TUSC3: variants seen among roughly 807,000 people sequenced by gnomAD.
TUSC3 encodes dolichyl-diphosphooligosaccharide--protein glycosyltransferase subunit TUSC3.
A neutral mutation model predicts 44.8 loss-of-function variants in TUSC3; 45 were observed. The ratio of observed to expected loss-of-function variants is 1.00; its 90% confidence interval spans 0.79 to 1.29. The LOEUF (loss-of-function observed/expected upper bound fraction) is 1.29. Among genes scored for constraint, TUSC3 ranks in the 50% most tolerant of loss-of-function variants. The pLI, the probability that TUSC3 is intolerant of heterozygous loss-of-function variation, is 0.00. For synonymous variants in TUSC3, 212 were observed against 152.9 expected, an observed-to-expected ratio of 1.39 and a Z score of -2.85; for missense variants, 519 against 437.9, an observed-to-expected ratio of 1.19 and a Z score of -1.65.
At chr8:15,719,672 C>T (rs1274285460) in intron 6 of TUSC3, among the ~76,000 whole-genome samples, 1 of 152,012 alleles carries the variant, frequency 6.6e-6, no homozygotes, top group Non-Finnish European at 1.5e-5. Context: ...CATACAACAA[C>T]AGTAGCTAAC....
chr8:15,533,264 C>G (rs1801475330), intron 2 of TUSC3, among the ~76,000 whole-genome samples: 1 of 152,124 alleles, frequency 6.6e-6, no homozygotes, highest in Non-Finnish European at 1.5e-5. Flanking sequence ...TTGGGTATAT[C>G]TTTATCAGCA....
At chr8:15,417,523 G>A (rs925671943) in intron 1 of TUSC3, among the ~76,000 whole-genome samples, 1 of 152,176 alleles carries the variant, frequency 6.6e-6, no homozygotes, top group Non-Finnish European at 1.5e-5. Context: ...TAAAACCACA[G>A]ATGTCCAGCT....
intron 1 of TUSC3, among the ~76,000 whole-genome samples, chr8:15,577,982 T>C (rs1379591724): frequency 6.7e-6 from 1 of 149,816 alleles, no homozygotes; most frequent in Non-Finnish European, 1.5e-5. Flanking sequence ...TATCCTCTTT[T>C]ATTTCCTTGA....
the TUSC3 span, among the ~76,000 whole-genome samples, chr8:15,851,769 A>C: frequency 6.6e-6 from 1 of 151,966 alleles, no homozygotes; most frequent in East Asian, 1.9e-4. Flanking sequence ...TTGCTTCCTC[A>C]CTGCATGCTG....
chr8:15,696,557 G>A (rs1007888737), intron 6 of TUSC3, among the ~76,000 whole-genome samples: 6 of 152,072 alleles, frequency 3.9e-5, no homozygotes, highest in Non-Finnish European at 7.4e-5. Flanking sequence ...GAGGGCCACC[G>A]TCCTCCAGAC....
the TUSC3 span, among the ~76,000 whole-genome samples, chr8:15,831,013 G>A: frequency 0.11 from 16,040 of 152,180 alleles, 946 homozygotes; most frequent in East Asian, 0.25. Flanking sequence ...CGCTGCTATC[G>A]TACTATGAAA....
chr8:15,819,979 T>C, the TUSC3 span, among the ~76,000 whole-genome samples: 3 of 152,208 alleles, frequency 2.0e-5, no homozygotes, highest in Non-Finnish European at 4.4e-5. Context: ...TATTATGTTG[T>C]CAATTATTAT....
At chr8:15,453,393 G>A (rs1297108078) in intron 1 of TUSC3, among the ~76,000 whole-genome samples, 1 of 151,826 alleles carries the variant, frequency 6.6e-6, no homozygotes, top group Non-Finnish European at 1.5e-5. Flanking sequence ...TACTTTTATG[G>A]CACCACTAAA....
chr8:15,626,608 C>T (rs549768014), intron 2 of TUSC3, among the ~76,000 whole-genome samples: 2 of 152,282 alleles, frequency 1.3e-5, no homozygotes, highest in Admixed American at 1.3e-4. Flanking sequence ...CTCTCAGTGG[C>T]CCAGGAAGGC....
In TUSC3 at chr8:15,720,150, A is replaced by G. The variant is rs1368497349; in HGVS notation, c.799-10516A>G. Among the ~76,000 whole-genome samples the G allele has an allele frequency of 5.3e-5, 8 of 151,552 alleles. No individual in the cohort carries two copies. In the East Asian group the frequency reaches 1.5e-3, roughly 29 times the overall value. ...CCAGGCTGAGTGCCAAAAAGTATTTATAGTAGAAGCAGAAGTGATATATCA... is the reference window on the plus strand; with the variant it reads ...CCAGGCTGAGTGCCAAAAAGTATTTGTAGTAGAAGCAGAAGTGATATATCA... On this transcript the variant is annotated intron_variant, in intron 6 of 10. Transcript: ENST00000503731.
intron 1 of TUSC3, among the ~76,000 whole-genome samples, chr8:15,621,378 A>T (rs1805236330): frequency 6.6e-6 from 1 of 151,118 alleles, no homozygotes; most frequent in East Asian, 1.9e-4. Context: ...AACTAAGAAC[A>T]ATTAGGAGAA....
chr8:15,621,702 A>C (rs1463642440), intron 1 of TUSC3, among the ~76,000 whole-genome samples: 3 of 149,864 alleles, frequency 2.0e-5, no homozygotes, highest in African/African-American at 7.3e-5. Flanking sequence ...AATCTAACTA[A>C]ATGCAAGTAA....
chr8:15,818,607 C>A, the TUSC3 span, among the ~76,000 whole-genome samples: 3 of 152,102 alleles, frequency 2.0e-5, no homozygotes, highest in Non-Finnish European at 4.4e-5. Context: ...GTGACTGACA[C>A]GGAGGATCAG....
At chr8:15,556,570 A>C (rs1265961080) in intron 1 of TUSC3, among the ~76,000 whole-genome samples, 1 of 148,610 alleles carries the variant, frequency 6.7e-6, no homozygotes, top group African/African-American at 2.5e-5. Flanking sequence ...ATCCCTGAGG[A>C]ATCGCCACAC....
Position 15,743,559 on chromosome 8 carries a change from T to C in TUSC3, c.884T>C (p.Met295Thr), listed in dbSNP as rs780763215. 1.9e-6 allele frequency: 3 copies of C among 1,613,988 alleles called. No homozygotes were observed. The highest frequency in any genetic ancestry group is 2.2e-5 in the South Asian group (2 of 91,080). The change falls in exon 8 of 11, where the codon ATG becomes ACG. Residue 295 changes from methionine to threonine, a missense_variant. Coordinates refer to ENST00000503731, the MANE Select transcript of TUSC3 (RefSeq NM_006765.4). ...LVLNAAITMG[M>T]VLLNEAATSK... Reference sequence around the variant, plus strand: ...GCAGATGCCGCTATCACCATGGGGATGGTTCTTCTAAATGAAGCAGCAACT... The same window carrying C: ...GCAGATGCCGCTATCACCATGGGGACGGTTCTTCTAAATGAAGCAGCAACT...
At chr8:15,696,842 T>G (rs1166285340) in intron 6 of TUSC3, among the ~76,000 whole-genome samples, 1 of 152,202 alleles carries the variant, frequency 6.6e-6, no homozygotes, top group East Asian at 1.9e-4. Context: ...TTTCTCTGTC[T>G]TGTGGTATAG....
At chr8:15,699,374 ACT>A (rs1380300924) in intron 6 of TUSC3, among the ~76,000 whole-genome samples, 1 of 152,042 alleles carries the variant, frequency 6.6e-6, no homozygotes, top group Non-Finnish European at 1.5e-5. Flanking sequence ...TTTAGACTGC[ACT>A]CTCTCACCAC....
At chr8:15,551,737 C>CG (rs1802066467) in intron 1 of TUSC3, among the ~76,000 whole-genome samples, 1 of 151,584 alleles carries the variant, frequency 6.6e-6, no homozygotes, top group African/African-American at 2.4e-5. Context: ...GTTCAAGGTA[C>CG]GTGTTATAAG....
the TUSC3 span, among the ~76,000 whole-genome samples, chr8:15,852,045 G>A: frequency 6.6e-6 from 1 of 152,114 alleles, no homozygotes; most frequent in Non-Finnish European, 1.5e-5. Context: ...GGCCTCCCCA[G>A]CCACGTGGAA....
Sources: gnomAD v4.1 joint callset for allele counts (sites outside exome capture counted in the v4.1 genomes callset) on GRCh38, gnomAD v4.1.1 for gene constraint, MANE v1.5 for transcripts, NCBI Gene and HGNC (gene_info 2026-07-23, HGNC 2026-07-21) for gene names.